Variants in LMO7 observed in about 807,000 individuals in gnomAD.
LMO7 encodes the protein LIM domain only protein 7.
LMO7 carries 120 observed loss-of-function variants against 206.5 expected under a neutral mutation model. The observed-to-expected ratio is 0.58, with a 90% confidence interval of 0.50 to 0.68. LMO7 has a LOEUF of 0.68. Ranked by LOEUF, LMO7 falls within the 30% of genes least tolerant of loss-of-function variation. The probability of loss-of-function intolerance (pLI) is 0.00; values close to 1 mark genes in which losing one functional copy is unlikely to be tolerated. For missense variants in LMO7, 1,959 were observed against 1,957.9 expected (o/e 1.00, Z -0.01); for synonymous variants, 706 against 681.5 (o/e 1.04, Z -0.56).
At chr13:75,834,424 C>T in intron 17 of LMO7, 37 bp downstream of exon 17, 1 of 1,483,276 alleles carries the variant, frequency 6.7e-7, no homozygotes, top group African/African-American at 1.4e-5. Flanking sequence ...GCATTTGAAA[C>T]TGGGACCTGG....
intron 4 of LMO7, among the ~76,000 whole-genome samples, chr13:75,786,178 G>C (rs2052386981): frequency 6.6e-6 from 1 of 152,070 alleles, no homozygotes; most frequent in Non-Finnish European, 1.5e-5. Context: ...ATGGGTTAAA[G>C]GACACAATGT....
At chr13:75,817,654 G>A (rs2057173690) in intron 12 of LMO7, among the ~76,000 whole-genome samples, 1 of 152,116 alleles carries the variant, frequency 6.6e-6, no homozygotes, top group Non-Finnish European at 1.5e-5. Flanking sequence ...GAGGAACAGG[G>A]TTCTGGCAGA....
intron 3 of LMO7, among the ~76,000 whole-genome samples, chr13:75,752,459 C>T (rs1438330033): frequency 6.6e-6 from 1 of 152,102 alleles, no homozygotes; most frequent in African/African-American, 2.4e-5. Flanking sequence ...AATTTATATT[C>T]ATGGGGCACA....
In LMO7 at chr13:75,857,955, A is replaced by G. The variant is rs753872116; in HGVS notation, c.*12A>G. On this transcript the variant is annotated 3_prime_UTR_variant, in exon 31 of 31. Transcript: ENST00000377534. Reference sequence around the variant, plus strand: ...CAACCGCCATGTGATGTAAGCCTCCATACGAAAGCACTGTTGCAGATAGAA... The same window carrying G: ...CAACCGCCATGTGATGTAAGCCTCCGTACGAAAGCACTGTTGCAGATAGAA... The G allele has an allele frequency of 7.5e-6, 12 of 1,609,972 alleles. No homozygotes were observed. In the East Asian group the frequency reaches 2.0e-4, roughly 27 times the overall value.
chr13:75,690,625 ACTCT>A (rs757807435), intron 1 of LMO7, among the ~76,000 whole-genome samples: 3 of 151,828 alleles, frequency 2.0e-5, no homozygotes, highest in Non-Finnish European at 4.4e-5. Flanking sequence ...AGACTACTCA[ACTCT>A]CTCTCTCTAC....
Position 75,821,340 on chromosome 13 carries a change from C to T in LMO7, c.2371C>T (p.Pro791Ser). 2 of 1,614,104 alleles carry T rather than the reference C, an allele frequency of 1.2e-6. No individual in the cohort carries two copies. The highest frequency in any genetic ancestry group is 1.7e-6 in the Non-Finnish European group (2 of 1,179,996). The stretch of plus-strand genomic sequence containing the variant: ...GGGAGCAACTTATCCTTCAGAAATT[C>T]CCAAAGAAGATTCTACCACTTTTGC... ...EKGATYPSEI[P>S]KEDSTTFAKR... The change falls in exon 14 of 31, where the codon CCC (proline) becomes TCC (serine). Residue 791 changes from proline to serine, a missense_variant. By Grantham distance (74) the Pro-to-Ser change is moderately conservative. Coordinates refer to ENST00000377534, the MANE Select transcript of LMO7 (RefSeq NM_001306080.2).
chr13:75,763,525 AGT>A (rs2048456161), intron 4 of LMO7, among the ~76,000 whole-genome samples: 1 of 152,106 alleles, frequency 6.6e-6, no homozygotes. Flanking sequence ...CTTGTCTGAG[AGT>A]GTGGTAATAT....
upstream of LMO7, among the ~76,000 whole-genome samples, chr13:75,632,972 C>T (rs2035180444): frequency 1.4e-5 from 2 of 146,520 alleles, no homozygotes; most frequent in Admixed American, 1.4e-4. Flanking sequence ...AGTGATTCTC[C>T]TGCCTCAGCC....
intron 3 of LMO7, 36 bp from the exon 4 acceptor site, chr13:75,760,896 C>G (rs775888387): frequency 6.2e-7 from 1 of 1,611,010 alleles, no homozygotes; most frequent in Non-Finnish European, 8.5e-7. Context: ...TGAGAGAGAG[C>G]TCAGCTAAGC....
At chr13:75,736,159 T>A (rs190151953) in intron 3 of LMO7, among the ~76,000 whole-genome samples, 4 of 152,258 alleles carry the variant, frequency 2.6e-5, no homozygotes, top group African/African-American at 9.6e-5. Flanking sequence ...AGAAATTCTA[T>A]CTAGTTTAGA....
At chr13:75,816,971 A>T in intron 11 of LMO7, 190 bp from the exon 12 acceptor site, 1 of 437,464 alleles carries the variant, frequency 2.3e-6, no homozygotes, top group Non-Finnish European at 4.1e-6. Flanking sequence ...AAAAATTCAC[A>T]CTCGAGTGCT....
At chr13:75,684,165 C>A (rs887502167) in intron 1 of LMO7, among the ~76,000 whole-genome samples, 1 of 151,986 alleles carries the variant, frequency 6.6e-6, no homozygotes, top group Non-Finnish European at 1.5e-5. Context: ...TGGTTGGGGG[C>A]GGCCTTAGAA....
chr13:75,672,448 C>G (rs2039668758), intron 1 of LMO7, among the ~76,000 whole-genome samples: 1 of 151,986 alleles, frequency 6.6e-6, no homozygotes, highest in Non-Finnish European at 1.5e-5. Context: ...TTCATGTTGG[C>G]CAGGCTGGTC....
rs1305772161 is a variant in LMO7 at position 75,636,712 on chromosome 13, C to T, written c.55C>T (p.Gln19Ter). The change falls in exon 1 of 31, where the codon CAG becomes TAG. Residue 19 changes from glutamine (Q) to a stop codon, truncating the protein, a stop_gained. Transcript: ENST00000377534. LOFTEE classifies it high-confidence loss of function. ...CTGCTCCGTGGCGTTCGCTGAGGCT[C>T]AGAGATGGGTGGAGGTGAGTGCCTT... ...ANCSVAFAEA[Q>*]RWVEAVTEKN... 6 of 1,609,134 alleles carry T rather than the reference C, an allele frequency of 3.7e-6. No homozygotes were observed. The Admixed American group carries it at 5.0e-5, about 14-fold the overall frequency.
chr13:75,695,505 C>T (rs1463473817), intron 1 of LMO7, among the ~76,000 whole-genome samples: 1 of 152,248 alleles, frequency 6.6e-6, no homozygotes, highest in Non-Finnish European at 1.5e-5. Flanking sequence ...TGCCACCACA[C>T]CCAGCTAATT....
chr13:75,629,822 G>A (rs547224394), intron 2 of LMO7, among the ~76,000 whole-genome samples: 3 of 152,262 alleles, frequency 2.0e-5, no homozygotes, highest in Admixed American at 1.3e-4. Flanking sequence ...ACAAGACAGG[G>A]AATGGGGTTG....
intron 11 of LMO7, among the ~76,000 whole-genome samples, chr13:75,809,845 T>G (rs970214791): frequency 2.0e-5 from 3 of 149,988 alleles, no homozygotes; most frequent in Non-Finnish European, 4.4e-5. Flanking sequence ...TTTTTTTTTT[T>G]TTTTGAGATG....
At chr13:75,804,164 T>C in intron 7 of LMO7, 125 bp from the exon 8 acceptor site, 1 of 973,392 alleles carries the variant, frequency 1.0e-6, no homozygotes, top group Non-Finnish European at 1.5e-6. Context: ...TTTCTAAAAA[T>C]ATTCCCTGCA....
intron 1 of LMO7, among the ~76,000 whole-genome samples, chr13:75,645,756 A>G (rs1479008779): frequency 1.3e-5 from 2 of 152,104 alleles, no homozygotes; most frequent in Non-Finnish European, 2.9e-5. Flanking sequence ...CAAACCCTTC[A>G]TTGCCCTCTA....
Sources: allele counts gnomAD v4.1 joint callset (sites outside exome capture counted in the v4.1 genomes callset), GRCh38; gene constraint gnomAD v4.1.1; transcripts MANE v1.5; gene names NCBI Gene and HGNC (gene_info 2026-07-23, HGNC 2026-07-21).